Variants in RPRD2 observed in about 807,000 individuals in gnomAD.
RPRD2 encodes the protein regulation of nuclear pre-mRNA domain-containing protein 2.
RPRD2 carries 12 observed loss-of-function variants against 104.4 expected under a neutral mutation model. That is an observed-to-expected ratio of 0.11 (90% confidence interval 0.07 to 0.19). RPRD2 has a LOEUF of 0.19. RPRD2 is among the 10% of genes least tolerant of loss of function. The probability of loss-of-function intolerance (pLI) is 1.00; values close to 1 mark genes in which losing one functional copy is unlikely to be tolerated. For synonymous variants in RPRD2, 714 were observed against 684.9 expected (o/e 1.04, Z -0.66); for missense variants, 1,543 against 1,790.1 (o/e 0.86, Z 2.49).
intron 7 of RPRD2, among the ~76,000 whole-genome samples, chr1:150,456,693 G>C (rs1553897640): frequency 6.6e-6 from 1 of 151,954 alleles, no homozygotes; most frequent in East Asian, 1.9e-4. Flanking sequence ...GGGAGGCCGA[G>C]GTGCATGGAT....
chr1:150,455,992 A>G (rs931273046), intron 7 of RPRD2, among the ~76,000 whole-genome samples: 2 of 151,848 alleles, frequency 1.3e-5, no homozygotes, highest in African/African-American at 4.8e-5. Context: ...ATGCCCAGCT[A>G]ATTTTTTTTT....
intron 2 of RPRD2, among the ~76,000 whole-genome samples, chr1:150,427,291 G>C (rs1294068072): frequency 6.6e-6 from 1 of 152,084 alleles, no homozygotes; most frequent in Non-Finnish European, 1.5e-5. Context: ...TGGCCAACAT[G>C]GTCAAACCCC....
chr1:150,380,281 C>G (rs1379258152), intron 1 of RPRD2, among the ~76,000 whole-genome samples: 1 of 152,242 alleles, frequency 6.6e-6, no homozygotes, highest in African/African-American at 2.4e-5. Context: ...CTTTGATGTC[C>G]TTGTCTTTCA....
intron 10 of RPRD2, 61 bp from the exon 11 acceptor site, chr1:150,470,500 T>C (rs776118675): frequency 2.0e-6 from 3 of 1,500,730 alleles, no homozygotes; most frequent in Non-Finnish European, 2.7e-6. Context: ...TTAGCCTACA[T>C]TGTTTGCATT....
rs1572454490 is a variant in RPRD2, at chr1:150,428,741, A to T, written c.335+11016A>T. 2.6e-5 allele frequency among the ~76,000 whole-genome samples: 4 copies of T among 152,308 alleles called. No homozygotes were observed. In the South Asian group the frequency reaches 8.3e-4, roughly 32 times the overall value. On this transcript the variant is annotated intron_variant, in intron 2 of 10. Transcript: ENST00000369068. ...TCTGATGACTTCCCAGTAATGAGGT[A>T]TTGATAAAGGAAAGAGACCCCTCTG...
intron 1 of RPRD2, among the ~76,000 whole-genome samples, chr1:150,374,474 G>T (rs369097970): frequency 2.6e-5 from 4 of 152,288 alleles, no homozygotes; most frequent in East Asian, 1.9e-4. Context: ...TGTGAGCCCC[G>T]ATTTATGGTG....
chr1:150,442,905 G>A (rs1190378455), intron 4 of RPRD2, among the ~76,000 whole-genome samples: 1 of 151,612 alleles, frequency 6.6e-6, no homozygotes, highest in Non-Finnish European at 1.5e-5. Flanking sequence ...TTAATTTGAG[G>A]TATTTAGATC....
At chr1:150,421,553 C>T (rs587598605) in intron 2 of RPRD2, among the ~76,000 whole-genome samples, 9 of 151,908 alleles carry the variant, frequency 5.9e-5, no homozygotes, top group Non-Finnish European at 7.4e-5. Context: ...AATTCCCTAC[C>T]GGTTATCAAA....
At chr1:150,433,844 A>AATATATGTAATATACATAATATGT (rs1560198893) in intron 2 of RPRD2, among the ~76,000 whole-genome samples, 1 of 90,324 alleles carries the variant, frequency 1.1e-5, no homozygotes, top group African/African-American at 5.3e-5. Flanking sequence ...ATAATATGTT[A>AATATATGTAATATACATAATATGT]TATATATGTT....
intron 1 of RPRD2, among the ~76,000 whole-genome samples, chr1:150,383,844 CAGA>C (rs1457719443): frequency 1.3e-4 from 20 of 152,286 alleles, no homozygotes; most frequent in African/African-American, 4.6e-4. Flanking sequence ...TTAGGCTTCT[CAGA>C]TTGCCATATG....
At chr1:150,459,221 CTAT>C (rs1426072988) in intron 8 of RPRD2, among the ~76,000 whole-genome samples, 3 of 152,156 alleles carry the variant, frequency 2.0e-5, no homozygotes, top group Non-Finnish European at 4.4e-5. Flanking sequence ...ATTCAATGCA[CTAT>C]TGATACAGCC....
chr1:150,457,624 C>T (rs1553897915), intron 8 of RPRD2, 54 bp downstream of exon 8: 2 of 1,465,144 alleles, frequency 1.4e-6, no homozygotes, highest in East Asian at 4.5e-5. Flanking sequence ...TTTGCCTTCT[C>T]AGCAATGAAT....
At chr1:150,399,363 C>A (rs1262432) in intron 1 of RPRD2, among the ~76,000 whole-genome samples, 91,069 of 152,014 alleles carry the variant, frequency 0.6, 27,807 homozygotes, top group African/African-American at 0.65. Flanking sequence ...TGAGATATGG[C>A]TCAATTTTTT....
chr1:150,442,786 C>A (rs1666493784), intron 4 of RPRD2, among the ~76,000 whole-genome samples: 1 of 152,108 alleles, frequency 6.6e-6, no homozygotes, highest in Non-Finnish European at 1.5e-5. Flanking sequence ...TGAATTGAGT[C>A]AGCAGAAAAA....
intron 7 of RPRD2, among the ~76,000 whole-genome samples, chr1:150,447,775 G>T (rs1190100707): frequency 1.3e-5 from 2 of 152,120 alleles, no homozygotes; most frequent in Non-Finnish European, 2.9e-5. Context: ...AAAGCATATG[G>T]TACTGTAGGT....
chr1:150,418,041 C>T (rs587686316), intron 2 of RPRD2, among the ~76,000 whole-genome samples: 2 of 151,926 alleles, frequency 1.3e-5, no homozygotes, highest in Admixed American at 6.6e-5. Context: ...GATCTCGGCT[C>T]GCTGCAGCCT....
chr1:150,367,296 G>A (rs1012249304), intron 1 of RPRD2, among the ~76,000 whole-genome samples: 4 of 152,194 alleles, frequency 2.6e-5, no homozygotes, highest in Non-Finnish European at 4.4e-5. Flanking sequence ...AATGAAAACA[G>A]TTTATGCATG....
intron 1 of RPRD2, among the ~76,000 whole-genome samples, chr1:150,406,957 C>T (rs1435453521): frequency 3.9e-5 from 6 of 152,132 alleles, no homozygotes; most frequent in Non-Finnish European, 7.4e-5. Context: ...TCAGGTGATC[C>T]GCCCGCCTCG....
At position 150,457,466 on chromosome 1, in the gene RPRD2, C is replaced by T. The variant is rs781951006; in HGVS notation, c.1049C>T (p.Thr350Ile). 3 of 1,613,792 alleles carry T rather than the reference C, an allele frequency of 1.9e-6. No individual in the cohort carries two copies. In the South Asian group the frequency reaches 3.3e-5, roughly 18 times the overall value. ...GGAGGTGAGGAATCCCAGTCACCAA[C>T]CATGGAGAGTGAGAAATCTGCCACA... Reference protein sequence around the residue: ...GMGGEESQSPTMESEKSATPE... With the variant: ...GMGGEESQSPIMESEKSATPE... The change falls in exon 8 of 11, where the codon ACC becomes ATC. Residue 350 changes from threonine (T) to isoleucine (I), a missense_variant. Transcript: ENST00000369068.
Sources: allele counts gnomAD v4.1 joint callset (sites outside exome capture counted in the v4.1 genomes callset), GRCh38; gene constraint gnomAD v4.1.1; transcripts MANE v1.5; gene names NCBI Gene and HGNC (gene_info 2026-07-23, HGNC 2026-07-21).